LHFPL3: variants seen among roughly 807,000 people sequenced by gnomAD.
LHFPL3 encodes LHFPL tetraspan subfamily member 3 protein.
LHFPL3 carries 5 observed loss-of-function variants against 19.3 expected under a neutral mutation model. That is an observed-to-expected ratio of 0.26 (90% CI 0.14 to 0.54). LHFPL3 has a LOEUF of 0.54. Among genes scored for constraint, LHFPL3 ranks in the 20% least tolerant of loss-of-function variants. LHFPL3 has a pLI of 0.94. For missense variants in LHFPL3, 249 were observed against 307.4 expected (o/e 0.81, Z 1.42); for synonymous variants, 133 against 126.2 (o/e 1.05, Z -0.36).
chr7:104,670,694 T>C (rs574436797), intron 1 of LHFPL3, among the ~76,000 whole-genome samples: 66 of 152,242 alleles, frequency 4.3e-4, no homozygotes, highest in African/African-American at 1.5e-3. Context: ...CAGAGTGCTC[T>C]AGAATAATGG....
intron 1 of LHFPL3, among the ~76,000 whole-genome samples, chr7:104,714,271 GA>G (rs1175516679): frequency 1.3e-5 from 2 of 151,940 alleles, no homozygotes; most frequent in Admixed American, 1.3e-4. Flanking sequence ...AATTTCTCTA[GA>G]GACACTTTCT....
chr7:104,594,899 A>C (rs1415852653), intron 1 of LHFPL3, among the ~76,000 whole-genome samples: 1 of 152,146 alleles, frequency 6.6e-6, no homozygotes, highest in Admixed American at 6.5e-5. Flanking sequence ...AGGTCATTTA[A>C]GGTCTTCCCT....
chr7:104,731,892 C>T (rs182875249), intron 1 of LHFPL3, among the ~76,000 whole-genome samples: 59 of 152,200 alleles, frequency 3.9e-4, no homozygotes, highest in African/African-American at 1.2e-3. Flanking sequence ...TTTTGAGATA[C>T]GTCTCATTAA....
At chr7:104,390,528 G>C (rs1053997394) in intron 1 of LHFPL3, among the ~76,000 whole-genome samples, 2 of 152,148 alleles carry the variant, frequency 1.3e-5, no homozygotes, top group Non-Finnish European at 2.9e-5. Context: ...CTTTTTTAAG[G>C]CTGCGTAGTA....
At chr7:104,790,365 A>T (rs1490293886) in intron 2 of LHFPL3, among the ~76,000 whole-genome samples, 2 of 152,182 alleles carry the variant, frequency 1.3e-5, no homozygotes, top group African/African-American at 4.8e-5. Flanking sequence ...TCCCATAGAC[A>T]GAGCCTGCTT....
chr7:104,788,237 C>T (rs1789959751), intron 2 of LHFPL3, among the ~76,000 whole-genome samples: 1 of 152,120 alleles, frequency 6.6e-6, no homozygotes, highest in African/African-American at 2.4e-5. Flanking sequence ...ATAAACAGAA[C>T]AGAATCACCT....
intron 1 of LHFPL3, among the ~76,000 whole-genome samples, chr7:104,679,773 C>G (rs1411324656): frequency 6.6e-6 from 1 of 152,128 alleles, no homozygotes; most frequent in Non-Finnish European, 1.5e-5. Context: ...ATGCATGCTA[C>G]CCTCTGTTTT....
At chr7:104,476,939 G>A (rs189197199) in intron 1 of LHFPL3, among the ~76,000 whole-genome samples, 29 of 152,270 alleles carry the variant, frequency 1.9e-4, no homozygotes, top group African/African-American at 5.3e-4. Flanking sequence ...TTGTTGATCT[G>A]TGTTGAACAT....
At chr7:104,668,361 A>G in intron 1 of LHFPL3, 2 of 1,593,980 alleles carry the variant, frequency 1.3e-6, no homozygotes, top group Non-Finnish European at 8.6e-7. Context: ...TCGTCCTGCT[A>G]CAGACACCTT....
chr7:104,632,093 A>G (rs766304522), intron 1 of LHFPL3, among the ~76,000 whole-genome samples: 7 of 152,166 alleles, frequency 4.6e-5, no homozygotes, highest in Non-Finnish European at 8.8e-5. Flanking sequence ...TGAGCAGGCT[A>G]AGGTATCCCT....
intron 1 of LHFPL3, among the ~76,000 whole-genome samples, chr7:104,565,656 A>T (rs1200366919): frequency 2.6e-5 from 4 of 152,044 alleles, no homozygotes; most frequent in Non-Finnish European, 4.4e-5. Flanking sequence ...ACTTCATCTT[A>T]CTGGATAACA....
chr7:104,338,048 C>G (rs927156491), intron 1 of LHFPL3, among the ~76,000 whole-genome samples: 1 of 148,654 alleles, frequency 6.7e-6, no homozygotes, highest in East Asian at 2.0e-4. Flanking sequence ...AATACGAATG[C>G]AAGGCATATA....
At chr7:104,378,423 A>G (rs916177417) in intron 1 of LHFPL3, among the ~76,000 whole-genome samples, 2 of 152,066 alleles carry the variant, frequency 1.3e-5, no homozygotes, top group African/African-American at 4.8e-5. Flanking sequence ...CATTTTGTGG[A>G]TGTACTATAT....
chr7:104,632,116 A>G lies in LHFPL3; in HGVS notation c.446-104559A>G, dbSNP rs538856873. Reference sequence around the variant, plus strand: ...CTAAGGTATCCCTGCTTATCCCAATATTACTGCAAAGAGACCAGGCTCAAC... The same window carrying G: ...CTAAGGTATCCCTGCTTATCCCAATGTTACTGCAAAGAGACCAGGCTCAAC... On this transcript the variant is annotated intron_variant, in intron 1 of 2. Coordinates refer to ENST00000424859, the MANE Select transcript of LHFPL3 (RefSeq NM_199000.3). Among the ~76,000 whole-genome samples, 40 of 152,266 alleles carry G rather than the reference A, an allele frequency of 2.6e-4. 1 individual carries two copies. In the East Asian group the frequency reaches 7.0e-3, roughly 26 times the overall value.
chr7:104,765,701 T>G, intron 2 of LHFPL3, among the ~76,000 whole-genome samples: 1 of 152,240 alleles, frequency 6.6e-6, no homozygotes, highest in East Asian at 1.9e-4. Flanking sequence ...GATACTCCGT[T>G]GTTTCTCCCA....
intron 1 of LHFPL3, among the ~76,000 whole-genome samples, chr7:104,347,166 C>T (rs1337341239): frequency 6.6e-6 from 1 of 151,934 alleles, no homozygotes; most frequent in Non-Finnish European, 1.5e-5. Flanking sequence ...CAGGCAATCC[C>T]AGAAAGAACA....
chr7:104,878,291 G>C (rs371677546), intron 2 of LHFPL3, among the ~76,000 whole-genome samples: 1 of 151,830 alleles, frequency 6.6e-6, no homozygotes, highest in African/African-American at 2.4e-5. Context: ...CAAATTGAAG[G>C]TTTGTGGCAA....
chr7:104,393,207 C>A (rs1388348960), intron 1 of LHFPL3, among the ~76,000 whole-genome samples: 1 of 152,012 alleles, frequency 6.6e-6, no homozygotes, highest in African/African-American at 2.4e-5. Flanking sequence ...AACCTCATAC[C>A]TTGCTGGTCG....
chr7:104,668,080 C>A, intron 1 of LHFPL3: 1 of 1,613,766 alleles, frequency 6.2e-7, no homozygotes, highest in Admixed American at 1.7e-5. Flanking sequence ...ACAGAAGAGT[C>A]AATTAAGGAA....
Sources: gnomAD v4.1 joint callset for allele counts (sites outside exome capture counted in the v4.1 genomes callset) on GRCh38, gnomAD v4.1.1 for gene constraint, MANE v1.5 for transcripts, NCBI Gene and HGNC (gene_info 2026-07-23, HGNC 2026-07-21) for gene names.